The following CC2D2A variants were observed in gnomAD, a reference collection of about 807,000 sequenced individuals.
The protein encoded by CC2D2A is coiled-coil and C2 domain-containing protein 2A.
CC2D2A carries 155 observed loss-of-function variants against 212.9 expected under a neutral mutation model. That is an observed-to-expected ratio of 0.73 (90% CI 0.64 to 0.83). The LOEUF (loss-of-function observed/expected upper bound fraction) is 0.83. CC2D2A is among the 40% of genes least tolerant of loss of function. The pLI is 0.00. For synonymous variants in CC2D2A, 667 were observed against 686.5 expected (o/e 0.97, Z 0.44); for missense variants, 1,856 against 1,956.2 (o/e 0.95, Z 0.97).
chr4:15,598,139 A>T (rs1721401731), intron 35 of CC2D2A, among the ~76,000 whole-genome samples: 1 of 152,034 alleles, frequency 6.6e-6, no homozygotes, highest in South Asian at 2.1e-4. Flanking sequence ...ACTAATCTCC[A>T]AACAACCTTT....
rs556437216 is a variant in CC2D2A, at chr4:15,556,497, T to C, written c.2626-807T>C. On this transcript the variant is annotated intron_variant, in intron 20 of 36. Transcript: ENST00000424120. ...AATCACATTTCAATAGACACGTCAC[T>C]TTCATTATTTTCTTTTTAACTATAT... 2.6e-5 allele frequency among the ~76,000 whole-genome samples: 4 copies of C among 152,326 alleles called. No individual in the cohort carries two copies. In the East Asian group the frequency reaches 7.7e-4, roughly 29 times the overall value.
intron 4 of CC2D2A, among the ~76,000 whole-genome samples, chr4:15,498,264 CACATTTCATGCT>C (rs1322882279): frequency 6.6e-6 from 1 of 152,176 alleles, no homozygotes; most frequent in Admixed American, 6.6e-5. Flanking sequence ...CAAAGAAATC[CACATTTCATGCT>C]ACATTGACAT....
At position 15,596,110 on chromosome 4, in the gene CC2D2A, A is replaced by C. The variant is rs387907058; in HGVS notation, c.4340A>C (p.Glu1447Ala). 2.1e-5 allele frequency: 33 copies of C among 1,548,278 alleles called. No homozygotes were observed. The highest frequency in any genetic ancestry group is 2.9e-5 in the Non-Finnish European group (33 of 1,145,578). ...ATTTGGTTTAATATTCAACGATATGAATCTCCACTAAGGATAAATTTTGAT... is the reference window on the plus strand; with the variant it reads ...ATTTGGTTTAATATTCAACGATATGCATCTCCACTAAGGATAAATTTTGAT... ...DNIWFNIQRYESPLRINFDVT... is the reference protein window; with the variant it reads ...DNIWFNIQRYASPLRINFDVT... Residue 1447 changes from glutamate (E) to alanine (A), a missense_variant, in exon 34 of 37, where the codon GAA (glutamate) becomes GCA (alanine). By Grantham distance (107) the Glu-to-Ala change is moderately radical (BLOSUM62 -1). This residue lies in a region of CC2D2A where 285 missense variants were observed against 278.4 expected (regional missense o/e 1.02). Coordinates refer to ENST00000424120, the MANE Select transcript of CC2D2A (RefSeq NM_001378615.1).
At chr4:15,560,330 T>C (rs535695012) in intron 22 of CC2D2A, among the ~76,000 whole-genome samples, 1 of 152,254 alleles carries the variant, frequency 6.6e-6, no homozygotes, top group African/African-American at 2.4e-5. Context: ...GGAAAACCCC[T>C]GACTTTAGGG....
chr4:15,499,548 T>A (rs1715804092), intron 4 of CC2D2A, among the ~76,000 whole-genome samples: 1 of 152,244 alleles, frequency 6.6e-6, no homozygotes. Flanking sequence ...TACTTCAGTT[T>A]CTTTATTCAG....
intron 30 of CC2D2A, among the ~76,000 whole-genome samples, chr4:15,582,580 A>C (rs941528401): frequency 2.6e-5 from 4 of 152,186 alleles, no homozygotes; most frequent in African/African-American, 9.6e-5. Flanking sequence ...ATTATGAACC[A>C]AATTATAAAA....
Position 15,555,165 on chromosome 4 carries a change from C to T in CC2D2A, c.2580C>T (p.Leu860=), listed in dbSNP as rs955087884. The T allele has an allele frequency of 6.8e-6, 11 of 1,613,760 alleles. No homozygotes were observed. The highest frequency in any genetic ancestry group is 1.1e-5 in the South Asian group (1 of 91,066). ...KLAKWAAESK[L]DPNDPNNAPL... ...CCAAGTGGGCAGCAGAGTCCAAGCT[C>T]GACCCAAATGACCCCAACAATGCCC... Residue 860 remains leucine (L), a synonymous_variant, in exon 20 of 37, where the codon CTC becomes CTT. Transcript: ENST00000424120.
intron 29 of CC2D2A, among the ~76,000 whole-genome samples, chr4:15,579,036 A>T (rs1044045128): frequency 2.0e-5 from 3 of 152,144 alleles, no homozygotes; most frequent in Admixed American, 6.5e-5. Context: ...AAAAAAATTT[A>T]AAAATATTTA....
intron 18 of CC2D2A, 109 bp downstream of exon 18, chr4:15,551,089 AAAATTC>A (rs774403203): frequency 9.8e-6 from 10 of 1,023,626 alleles, no homozygotes; most frequent in Non-Finnish European, 1.3e-5. Flanking sequence ...ATTGATATCA[AAAATTC>A]AAATTCAAAC....
At chr4:15,512,147 T>G (rs901582854) in intron 8 of CC2D2A, among the ~76,000 whole-genome samples, 1 of 152,224 alleles carries the variant, frequency 6.6e-6, no homozygotes. Context: ...AAAAACAGTA[T>G]GGTGGTCCTT....
rs755986942 is a variant in CC2D2A, at chr4:15,567,398, G to T, written c.3204G>T (p.Arg1068Ser). 6.2e-7 allele frequency: 1 copy of T among 1,613,032 alleles called. No homozygotes were observed. Among genetic ancestry groups the T allele is most frequent in the South Asian group, 1.1e-5 (1 of 90,930 alleles). The change falls in exon 25 of 37, where the codon AGG (arginine) becomes AGT (serine). Residue 1068 changes from arginine to serine, a missense_variant. Physicochemically the swap from Arg to Ser is moderately radical, Grantham distance 110. Transcript: ENST00000424120. The stretch of plus-strand genomic sequence containing the variant: ...CTAGCAAATTCCAGCAGCCGTCGAG[G>T]TCTTCAAGGATGTTCAGTGAAAAGC... Reference protein sequence around the residue: ...PAVSKFQQPSRSSRMFSEKHA... With the variant: ...PAVSKFQQPSSSSRMFSEKHA...
intron 30 of CC2D2A, among the ~76,000 whole-genome samples, chr4:15,582,351 TAATAAA>T (rs1720698103): frequency 2.0e-5 from 3 of 151,312 alleles, no homozygotes; most frequent in Non-Finnish European, 4.4e-5. Context: ...AGGGAAGAAA[TAATAAA>T]AATAAGAGCA....
chr4:15,551,042 A>G, intron 18 of CC2D2A, 62 bp downstream of exon 18: 2 of 1,273,326 alleles, frequency 1.6e-6, no homozygotes, highest in Non-Finnish European at 2.2e-6. Flanking sequence ...ATGTGTATAT[A>G]TCTATTTCAC....
At position 15,559,008 on chromosome 4, in the gene CC2D2A, C is replaced by G. The variant is rs9996452; in HGVS notation, c.2830-157C>G. ...CACCTGTCTCAGAATCCTGGTTACT[C>G]TATCAAAGACCAATTCTGAACCAAA... is the stretch of plus-strand genomic sequence containing the variant. On this transcript the variant is annotated intron_variant, in intron 21 of 36. Coordinates refer to ENST00000424120, the MANE Select transcript of CC2D2A (RefSeq NM_001378615.1). Among the ~76,000 whole-genome samples the G allele has an allele frequency of 0.41, 62,814 of 151,962 alleles. 13,150 individuals are homozygous for G. The highest frequency in any genetic ancestry group is 0.49 in the East Asian group (2,535 of 5,152).
chr4:15,527,603 G>T lies in CC2D2A; in HGVS notation c.1306G>T (p.Asp436Tyr). The T allele has an allele frequency of 6.2e-7, 1 of 1,613,024 alleles. No homozygotes were observed. Among genetic ancestry groups the T allele is most frequent in the South Asian group, 1.1e-5 (1 of 90,760 alleles). ...VLAAKLAQLY[D>Y]QYLARHQRNK... ...GGCAGCCAAGCTGGCCCAGTTATATGACCAGTACCTTGCAAGACACCAGAG... is the reference window on the plus strand; with the variant it reads ...GGCAGCCAAGCTGGCCCAGTTATATTACCAGTACCTTGCAAGACACCAGAG... Residue 436 changes from aspartate (D) to tyrosine (Y), a missense_variant, in exon 12 of 37, where the codon GAC becomes TAC. Physicochemically the swap from Asp to Tyr is radical, Grantham distance 160. Transcript: ENST00000424120.
intron 14 of CC2D2A, among the ~76,000 whole-genome samples, chr4:15,536,520 G>A (rs1276881814): frequency 6.6e-6 from 1 of 152,132 alleles, no homozygotes; most frequent in African/African-American, 2.4e-5. Flanking sequence ...GCAACAAAAT[G>A]AAGCAGTTCC....
At chr4:15,565,091 T>C (rs1719821621) in intron 24 of CC2D2A, among the ~76,000 whole-genome samples, 1 of 152,256 alleles carries the variant, frequency 6.6e-6, no homozygotes, top group African/African-American at 2.4e-5. Context: ...TAAATGTCCA[T>C]ATAAGCTCTT....
At chr4:15,479,113 T>G in intron 3 of CC2D2A, 1 of 804,738 alleles carries the variant, frequency 1.2e-6, no homozygotes, top group Non-Finnish European at 2.1e-6. Flanking sequence ...TTTTAGTGCT[T>G]CATTGAAGGC....
At chr4:15,559,047 G>A in intron 21 of CC2D2A, 118 bp from the exon 22 acceptor site, 1 of 704,574 alleles carries the variant, frequency 1.4e-6, no homozygotes, top group Non-Finnish European at 2.4e-6. Context: ...TAGGAAGAAG[G>A]TGGAAGAAAT....
Sources: gnomAD v4.1 joint callset for allele counts (sites outside exome capture counted in the v4.1 genomes callset) on GRCh38, gnomAD v4.1.1 for gene constraint, gnomAD v4.1.1 regional missense constraint, MANE v1.5 for transcripts, NCBI Gene and HGNC (gene_info 2026-07-23, HGNC 2026-07-21) for gene names.